Variants in MICU2 observed in about 807,000 individuals in gnomAD.
The protein encoded by MICU2 is mitochondrial calcium uptake 2, also known as calcium uptake protein 2, mitochondrial.
Under a neutral mutation model 60.4 loss-of-function variants are expected in MICU2, and 64 were observed. The observed-to-expected ratio is 1.06, with a 90% CI of 0.87 to 1.31. The LOEUF is 1.31. Ranked by LOEUF, MICU2 falls within the 50% of genes most tolerant of loss-of-function variation. The pLI is 0.00. For missense variants in MICU2, 569 were observed against 531.0 expected (o/e 1.07, Z -0.70); for synonymous variants, 201 against 175.0 (o/e 1.15, Z -1.17).
intron 1 of MICU2, among the ~76,000 whole-genome samples, chr13:21,569,681 C>G (rs1318462395): frequency 6.6e-6 from 1 of 151,270 alleles, no homozygotes; most frequent in Non-Finnish European, 1.5e-5. Flanking sequence ...ATATATAATA[C>G]TCTGTATTAT....
intron 6 of MICU2, among the ~76,000 whole-genome samples, chr13:21,518,378 T>C (rs367906123): frequency 1.3e-5 from 2 of 152,324 alleles, no homozygotes; most frequent in African/African-American, 4.8e-5. Context: ...ACGGACTTTG[T>C]GATTTGGCCA....
intron 4 of MICU2, among the ~76,000 whole-genome samples, chr13:21,533,764 A>C (rs1038749123): frequency 1.3e-5 from 2 of 152,190 alleles, no homozygotes; most frequent in Admixed American, 6.5e-5. Context: ...AATACATCGA[A>C]TAGCCCTAAT....
At chr13:21,555,214 C>CA (rs1421916561) in intron 2 of MICU2, among the ~76,000 whole-genome samples, 1 of 152,104 alleles carries the variant, frequency 6.6e-6, no homozygotes, top group East Asian at 1.9e-4. Flanking sequence ...AGAGACACAA[C>CA]AAAAAAAGAG....
At chr13:21,598,029 A>G (rs2761922) in intron 1 of MICU2, among the ~76,000 whole-genome samples, 4,951 of 152,104 alleles carry the variant, frequency 0.033, 274 homozygotes, top group African/African-American at 0.11. Context: ...ATTTATAAAT[A>G]CAAATGTAAA....
chr13:21,517,205 C>T (rs1886591596), intron 6 of MICU2, among the ~76,000 whole-genome samples: 1 of 152,180 alleles, frequency 6.6e-6, no homozygotes, highest in Non-Finnish European at 1.5e-5. Flanking sequence ...AAGTAACAAA[C>T]TGAGGCAATC....
At chr13:21,552,916 C>CT (rs1316394376) in intron 2 of MICU2, among the ~76,000 whole-genome samples, 2 of 152,116 alleles carry the variant, frequency 1.3e-5, no homozygotes, top group East Asian at 3.9e-4. Context: ...AATGCGGGCT[C>CT]TTTTTTGGTT....
At chr13:21,592,629 C>A (rs1301734624) in intron 1 of MICU2, among the ~76,000 whole-genome samples, 1 of 152,060 alleles carries the variant, frequency 6.6e-6, no homozygotes, top group East Asian at 1.9e-4. Context: ...ACTGGCAAAC[C>A]CAATCAATCC....
At chr13:21,499,230 T>C (rs1443416018) in intron 9 of MICU2, among the ~76,000 whole-genome samples, 4 of 152,170 alleles carry the variant, frequency 2.6e-5, no homozygotes, top group East Asian at 1.9e-4. Context: ...GAATTACAGG[T>C]GGGAGCCATA....
At chr13:21,568,364 A>G (rs527931030) in intron 1 of MICU2, among the ~76,000 whole-genome samples, 6 of 151,990 alleles carry the variant, frequency 3.9e-5, no homozygotes, top group Admixed American at 3.3e-4. Context: ...TTGCACGTGT[A>G]CAGAATATCA....
chr13:21,551,416 CTTCT>C (rs1165082839), intron 2 of MICU2: 1 of 152,056 alleles, frequency 6.6e-6, no homozygotes, highest in African/African-American at 2.4e-5. Context: ...AGCACACAGA[CTTCT>C]TTTTAAAATT....
intron 4 of MICU2, among the ~76,000 whole-genome samples, chr13:21,538,571 A>AAAAC (rs1644148607): frequency 1.3e-5 from 2 of 151,116 alleles, no homozygotes; most frequent in Non-Finnish European, 3.0e-5. Flanking sequence ...TCAAAAAAAA[A>AAAAC]AAAAAAAAAC....
At position 21,551,306 on chromosome 13, in the gene MICU2, AT is replaced by A. The variant is rs1354887505; in HGVS notation, c.359-11619del. On this transcript the variant is annotated intron_variant, in intron 2 of 11. Coordinates refer to ENST00000382374, the MANE Select transcript of MICU2 (RefSeq NM_152726.3). ...ATATATTTTTTATACATTTAAAAAAATAAATGGAATGCTTCACGAATTTACG... is the reference window on the plus strand; with the variant it reads ...ATATATTTTTTATACATTTAAAAAAAAAATGGAATGCTTCACGAATTTACG... 3 of 152,432 alleles carry A rather than the reference AT, an allele frequency of 2.0e-5. No individual in the cohort carries two copies. In the South Asian group the frequency reaches 6.2e-4, roughly 32 times the overall value. 9.4% of individuals were successfully genotyped at this position (152,432 alleles called of 1,614,324 possible). A position where few individuals can be genotyped will look rare whatever the true frequency, so the allele number is the denominator to read the frequency against.
chr13:21,510,736 G>A (rs112420547), intron 7 of MICU2, among the ~76,000 whole-genome samples: 2 of 152,126 alleles, frequency 1.3e-5, no homozygotes, highest in Non-Finnish European at 2.9e-5. Context: ...GGATCGTCTA[G>A]CATGTCTCCT....
intron 5 of MICU2, 64 bp downstream of exon 5, chr13:21,522,539 A>T: frequency 1.5e-6 from 2 of 1,333,794 alleles, no homozygotes; most frequent in Non-Finnish European, 2.1e-6. Flanking sequence ...CAAACTTTTA[A>T]AATCCTGTTT....
chr13:21,558,949 T>C (rs930213832), intron 2 of MICU2, among the ~76,000 whole-genome samples: 2 of 152,190 alleles, frequency 1.3e-5, no homozygotes, highest in Middle Eastern at 3.4e-3. Context: ...TCTGAATGGG[T>C]ACTGAGGGGA....
chr13:21,540,118 G>T (rs1174460920), intron 2 of MICU2, among the ~76,000 whole-genome samples: 2 of 151,974 alleles, frequency 1.3e-5, no homozygotes. Flanking sequence ...GTCCTCTTAG[G>T]CTTATAACTC....
chr13:21,587,513 T>C (rs1476918970), intron 1 of MICU2, among the ~76,000 whole-genome samples: 2 of 152,212 alleles, frequency 1.3e-5, no homozygotes, highest in Admixed American at 1.3e-4. Context: ...TGAGGAAACA[T>C]TAACCAAACC....
chr13:21,515,456 ATAATT>A (rs1376282025), intron 6 of MICU2: 1 of 306,482 alleles, frequency 3.3e-6, no homozygotes, highest in Non-Finnish European at 6.6e-6. Flanking sequence ...AAGCATTAAA[ATAATT>A]TAAAGACTTA....
intron 9 of MICU2, 145 bp downstream of exon 9, chr13:21,502,779 GAA>G: frequency 1.5e-6 from 1 of 685,820 alleles, no homozygotes; most frequent in African/African-American, 1.8e-5. Flanking sequence ...CTTTACAGGA[GAA>G]GAGCATGTAG....
Sources: allele counts gnomAD v4.1 joint callset (sites outside exome capture counted in the v4.1 genomes callset), GRCh38; gene constraint gnomAD v4.1.1; transcripts MANE v1.5; gene names NCBI Gene and HGNC (gene_info 2026-07-23, HGNC 2026-07-21).